Variants in TMEM87B observed in about 807,000 individuals in gnomAD.
The protein encoded by TMEM87B is transmembrane protein 87B.
Under a neutral mutation model 80.3 loss-of-function variants are expected in TMEM87B, and 83 were observed. That is an observed-to-expected ratio of 1.03 (90% CI 0.87 to 1.24). The LOEUF is 1.24. TMEM87B is among the 50% of genes most tolerant of loss of function. The pLI is 0.00. For synonymous variants in TMEM87B, 219 were observed against 230.5 expected (o/e 0.95, Z 0.45); for missense variants, 625 against 674.4 (o/e 0.93, Z 0.81).
chr2:112,089,611 C>G lies in TMEM87B; in HGVS notation c.939-14C>G. 6.2e-7 allele frequency: 1 copy of G among 1,613,644 alleles called. No homozygotes were observed. Among genetic ancestry groups the G allele is most frequent in the African/African-American group, 1.3e-5 (1 of 75,040 alleles). On this transcript the variant is annotated splice_polypyrimidine_tract_variant and intron_variant, in intron 9 of 18. Transcript: ENST00000283206. The stretch of plus-strand genomic sequence containing the variant: ...GCTTTTTCTTCTTTCTCTGTTTCCT[C>G]TTCCTGATTCCAGGCCTCGTTTAGG...
At chr2:112,089,933 C>A (rs941494790) in intron 10 of TMEM87B, among the ~76,000 whole-genome samples, 5 of 152,154 alleles carry the variant, frequency 3.3e-5, no homozygotes, top group Non-Finnish European at 7.3e-5. Context: ...GCGAAGGCAC[C>A]GCTTGATATC....
At chr2:112,095,812 G>C (rs1679451622) in intron 11 of TMEM87B, among the ~76,000 whole-genome samples, 1 of 152,238 alleles carries the variant, frequency 6.6e-6, no homozygotes, top group Middle Eastern at 3.4e-3. Flanking sequence ...GTTATTTTTA[G>C]TGTTTGGTTC....
intron 6 of TMEM87B, among the ~76,000 whole-genome samples, chr2:112,078,675 G>A (rs1280700712): frequency 6.6e-6 from 1 of 152,202 alleles, no homozygotes; most frequent in Non-Finnish European, 1.5e-5. Context: ...ACACCAGCGG[G>A]CAGTTTTGAG....
intron 8 of TMEM87B, among the ~76,000 whole-genome samples, chr2:112,083,344 C>A (rs552384090): frequency 1.3e-5 from 2 of 152,138 alleles, no homozygotes; most frequent in South Asian, 2.1e-4. Context: ...CAGTCTAGAC[C>A]GCTGCTGTTT....
At chr2:112,097,454 C>T (rs1291581427) in intron 13 of TMEM87B, among the ~76,000 whole-genome samples, 163 bp downstream of exon 13, 18 of 152,040 alleles carry the variant, frequency 1.2e-4, no homozygotes, top group African/African-American at 3.9e-4. Flanking sequence ...TGGCTGGGCG[C>T]GGTGGCTCAC....
In TMEM87B at chr2:112,065,551, C is replaced by T. The variant is rs150056497; in HGVS notation, c.318+1298C>T. Among the ~76,000 whole-genome samples, 33 of 149,704 alleles carry T rather than the reference C, an allele frequency of 2.2e-4. No individual in the cohort carries two copies. In the East Asian group the frequency reaches 3.0e-3, roughly 13 times the overall value. On this transcript the variant is annotated intron_variant, in intron 3 of 18. Coordinates refer to ENST00000283206, the MANE Select transcript of TMEM87B (RefSeq NM_032824.3). The stretch of plus-strand genomic sequence containing the variant: ...TCCCAGCTGTTCGGGAGGTTTAGGC[C>T]GGAGGATCCCTTGAGCCCAGGAGTT...
intron 11 of TMEM87B, chr2:112,095,139 T>A (rs1679420832): frequency 1.1e-6 from 1 of 940,592 alleles, no homozygotes; most frequent in African/African-American, 1.8e-5. Flanking sequence ...TGTTTCTCTT[T>A]CGTTTCTCTT....
rs1300546623 is a variant in TMEM87B at position 112,055,287 on chromosome 2, G to A, written c.-305G>A. On this transcript the variant is annotated 5_prime_UTR_variant, in exon 1 of 19. Transcript: ENST00000283206. ...CTCTTCTATCTTCACGCCCACGCTA[G>A]GCCCTGAGCCCAGCCTCCACGTCTC... 7.2e-6 allele frequency: 3 copies of A among 419,580 alleles called. No individual in the cohort carries two copies. The highest frequency in any genetic ancestry group is 8.4e-5 in the East Asian group (2 of 23,768). 26.0% of individuals were successfully genotyped at this position (419,580 alleles called of 1,614,324 possible).
At chr2:112,063,287 G>T (rs73958416) in intron 2 of TMEM87B, among the ~76,000 whole-genome samples, 11,704 of 152,204 alleles carry the variant, frequency 0.077, 1,014 homozygotes, top group African/African-American at 0.22. Flanking sequence ...TCTGGGGTAA[G>T]CCAGCTGCCA....
chr2:112,080,551 G>A (rs1030849974), intron 6 of TMEM87B, among the ~76,000 whole-genome samples: 25 of 152,184 alleles, frequency 1.6e-4, no homozygotes, highest in Non-Finnish European at 2.6e-4. Flanking sequence ...GAGCCACCAC[G>A]CCCGGCCTGC....
At chr2:112,068,879 T>C (rs1364210904) in intron 4 of TMEM87B, among the ~76,000 whole-genome samples, 6 of 152,128 alleles carry the variant, frequency 3.9e-5, no homozygotes, top group Non-Finnish European at 2.9e-5. Context: ...CAGGGGTACA[T>C]GTGCAGGTTT....
At chr2:112,063,083 C>T (rs192859143) in intron 2 of TMEM87B, among the ~76,000 whole-genome samples, 1 of 152,300 alleles carries the variant, frequency 6.6e-6, no homozygotes, top group Non-Finnish European at 1.5e-5. Flanking sequence ...CGCTCTTTGT[C>T]ATTATCAGCC....
intron 2 of TMEM87B, among the ~76,000 whole-genome samples, chr2:112,063,073 C>T (rs190020678): frequency 1.3e-3 from 195 of 152,316 alleles, no homozygotes; most frequent in Admixed American, 2.4e-3. Flanking sequence ...AGTTTGGTTT[C>T]GCTCTTTGTC....
intron 6 of TMEM87B, among the ~76,000 whole-genome samples, chr2:112,080,218 A>G (rs1328459236): frequency 3.5e-5 from 5 of 142,446 alleles, no homozygotes; most frequent in African/African-American, 1.3e-4. Context: ...TGTGAGCTGT[A>G]ACGCCCAGCC....
At chr2:112,056,790 C>T (rs1337573996) in intron 1 of TMEM87B, among the ~76,000 whole-genome samples, 1 of 152,200 alleles carries the variant, frequency 6.6e-6, no homozygotes, top group Non-Finnish European at 1.5e-5. Context: ...GCAGCCATTT[C>T]CTCCAGGATT....
intron 7 of TMEM87B, 85 bp downstream of exon 7, chr2:112,081,203 A>C: frequency 6.9e-7 from 1 of 1,452,334 alleles, no homozygotes; most frequent in Non-Finnish European, 9.6e-7. Flanking sequence ...TCAGTAGTTA[A>C]TGCTTTGACA....
intron 14 of TMEM87B, among the ~76,000 whole-genome samples, chr2:112,100,028 A>T (rs1180534388): frequency 6.6e-6 from 1 of 152,192 alleles, no homozygotes; most frequent in Non-Finnish European, 1.5e-5. Flanking sequence ...GTTATTAGAC[A>T]TTTTGTTTAA....
intron 2 of TMEM87B, among the ~76,000 whole-genome samples, chr2:112,062,261 G>C (rs1678281335): frequency 6.6e-6 from 1 of 152,232 alleles, no homozygotes; most frequent in African/African-American, 2.4e-5. Flanking sequence ...TGGGAGATCA[G>C]ATATCTGGCT....
At position 112,055,562 on chromosome 2, in the gene TMEM87B, C is replaced by T. The variant is rs780751683; in HGVS notation, c.-30C>T. On this transcript the variant is annotated 5_prime_UTR_variant, in exon 1 of 19. Transcript: ENST00000283206. ...CCAGGTGCGGGTGTGGCAGGCGTCT[C>T]GGAGCGCCAGGTGCAGCTTCCTGGT... 45 of 1,468,634 alleles carry T rather than the reference C, an allele frequency of 3.1e-5. 4 individuals carry two copies. The South Asian group carries it at 6.0e-4, about 19-fold the overall frequency. 91.0% of individuals were successfully genotyped at this position (1,468,634 alleles called of 1,614,324 possible). A position where few individuals can be genotyped will look rare whatever the true frequency, so the allele number is the denominator to read the frequency against.
Sources: gnomAD v4.1 joint callset for allele counts (sites outside exome capture counted in the v4.1 genomes callset) on GRCh38, gnomAD v4.1.1 for gene constraint, MANE v1.5 for transcripts, NCBI Gene and HGNC (gene_info 2026-07-23, HGNC 2026-07-21) for gene names.